The following LGR5 variants were observed in gnomAD, a reference collection of about 807,000 sequenced individuals.
The protein encoded by LGR5 is leucine rich repeat containing G protein-coupled receptor 5.
Under a neutral mutation model 76.7 loss-of-function variants are expected in LGR5, and 54 were observed. That is an observed-to-expected ratio of 0.70 (90% confidence interval 0.57 to 0.88). The LOEUF is 0.88. Ranked by LOEUF, LGR5 falls within the 40% of genes least tolerant of loss-of-function variation. LGR5 has a pLI of 0.00. For missense variants in LGR5, 1,078 were observed against 1,073.3 expected (o/e 1.00, Z -0.06); for synonymous variants, 406 against 421.9 (o/e 0.96, Z 0.46).
chr12:71,566,581 AC>A, intron 9 of LGR5, 50 bp from the exon 10 acceptor site: 1 of 1,547,596 alleles, frequency 6.5e-7, no homozygotes, highest in Non-Finnish European at 8.9e-7. Context: ...AATAAAAATT[AC>A]CCCTGTCTAG....
chr12:71,472,856 C>T (rs1010916791), intron 1 of LGR5, among the ~76,000 whole-genome samples: 1 of 152,152 alleles, frequency 6.6e-6, no homozygotes, highest in African/African-American at 2.4e-5. Context: ...TTACACATGG[C>T]ATATGAATTC....
chr12:71,468,896 T>C (rs1872971457), intron 1 of LGR5, among the ~76,000 whole-genome samples: 2 of 152,124 alleles, frequency 1.3e-5, no homozygotes, highest in Admixed American at 6.5e-5. Flanking sequence ...TGCCAAACAA[T>C]TGTGTATGTT....
At chr12:71,483,199 A>G (rs1211336193) in intron 1 of LGR5, among the ~76,000 whole-genome samples, 1 of 152,182 alleles carries the variant, frequency 6.6e-6, no homozygotes, top group Admixed American at 6.6e-5. Context: ...GTCCACTAAG[A>G]TCCCACTGCT....
chr12:71,468,394 T>C, intron 1 of LGR5, among the ~76,000 whole-genome samples: 1 of 152,030 alleles, frequency 6.6e-6, no homozygotes, highest in Non-Finnish European at 1.5e-5. Context: ...AATTGCAGAG[T>C]TGAAATAACA....
chr12:71,577,285 CTACT>C (rs1407189783), intron 13 of LGR5, among the ~76,000 whole-genome samples: 1 of 152,128 alleles, frequency 6.6e-6, no homozygotes, highest in Non-Finnish European at 1.5e-5. Flanking sequence ...TGCTTTACTC[CTACT>C]TAATTATCTG....
chr12:71,467,953 A>G (rs1232617286), intron 1 of LGR5, among the ~76,000 whole-genome samples: 1 of 152,222 alleles, frequency 6.6e-6, no homozygotes, highest in Non-Finnish European at 1.5e-5. Flanking sequence ...TAAAAATATT[A>G]CATAGGCTAA....
intron 4 of LGR5, among the ~76,000 whole-genome samples, chr12:71,552,376 C>A (rs1008201765): frequency 6.6e-6 from 1 of 152,024 alleles, no homozygotes; most frequent in African/African-American, 2.4e-5. Flanking sequence ...ACCAACCTGG[C>A]CAACATGGTG....
chr12:71,461,991 C>G (rs928260391), intron 1 of LGR5, among the ~76,000 whole-genome samples: 1 of 152,162 alleles, frequency 6.6e-6, no homozygotes, highest in Non-Finnish European at 1.5e-5. Flanking sequence ...GTTTCATTAT[C>G]TGTAAAATGG....
chr12:71,518,589 A>T (rs1875563401), intron 2 of LGR5, among the ~76,000 whole-genome samples: 1 of 152,226 alleles, frequency 6.6e-6, no homozygotes, highest in African/African-American at 2.4e-5. Flanking sequence ...CAAAGACATG[A>T]AATCAACCTA....
At chr12:71,568,517 G>A (rs1878455486) in intron 11 of LGR5, among the ~76,000 whole-genome samples, 1 of 152,120 alleles carries the variant, frequency 6.6e-6, no homozygotes. Flanking sequence ...CCTTGAGTTG[G>A]AACTTGAAAA....
At chr12:71,560,504 C>G (rs1878001978) in intron 7 of LGR5, among the ~76,000 whole-genome samples, 1 of 152,126 alleles carries the variant, frequency 6.6e-6, no homozygotes. Flanking sequence ...ATAAGTGGAG[C>G]CATGCAGGCC....
intron 1 of LGR5, among the ~76,000 whole-genome samples, chr12:71,500,819 A>G (rs1206277258): frequency 1.3e-5 from 2 of 152,056 alleles, no homozygotes; most frequent in East Asian, 1.9e-4. Context: ...AACTGCTCTC[A>G]TGGAATTTGC....
In LGR5 at chr12:71,522,408, G is replaced by T. The variant is rs890852478; in HGVS notation, c.285-1998G>T. Among the ~76,000 whole-genome samples the T allele has an allele frequency of 1.1e-4, 16 of 152,126 alleles. 1 individual carries two copies. Reference sequence around the variant, plus strand: ...CAAAGAAATAAAATACCTTTGCCCTGGTCAAATATTATGCTGAATTACATG... The same window carrying T: ...CAAAGAAATAAAATACCTTTGCCCTTGTCAAATATTATGCTGAATTACATG... On this transcript the variant is annotated intron_variant, in intron 2 of 17. Coordinates refer to ENST00000266674, the MANE Select transcript of LGR5 (RefSeq NM_003667.4).
At chr12:71,481,304 T>C (rs567878870) in intron 1 of LGR5, among the ~76,000 whole-genome samples, 1 of 152,174 alleles carries the variant, frequency 6.6e-6, no homozygotes, top group African/African-American at 2.4e-5. Context: ...TGTCCATGTG[T>C]TCTCATTGTT....
chr12:71,504,567 G>A, intron 1 of LGR5, 47 bp from the exon 2 acceptor site: 1 of 1,416,812 alleles, frequency 7.1e-7, no homozygotes, highest in Admixed American at 1.7e-5. Context: ...GGATTTCCTT[G>A]TGGTGGCATT....
intron 1 of LGR5, among the ~76,000 whole-genome samples, chr12:71,456,615 C>T (rs1872489152): frequency 6.6e-6 from 1 of 152,026 alleles, no homozygotes; most frequent in African/African-American, 2.4e-5. Context: ...TGGGCAGCTG[C>T]AGAGGGAGGT....
At chr12:71,556,559 A>G (rs1246535261) in intron 5 of LGR5, 60 bp from the exon 6 acceptor site, 2 of 1,079,260 alleles carry the variant, frequency 1.9e-6, no homozygotes, top group Non-Finnish European at 2.9e-6. Context: ...TAAGCTATCA[A>G]AATGTTAAGT....
intron 5 of LGR5, among the ~76,000 whole-genome samples, chr12:71,556,380 A>G (rs748601656): frequency 6.6e-5 from 10 of 152,132 alleles, no homozygotes; most frequent in Non-Finnish European, 1.2e-4. Flanking sequence ...TGTTCCTCAT[A>G]TTATTATACA....
chr12:71,534,422 G>T (rs1479554453), intron 3 of LGR5, among the ~76,000 whole-genome samples: 6 of 152,162 alleles, frequency 3.9e-5, no homozygotes, highest in African/African-American at 1.4e-4. Flanking sequence ...ATAAAGCCAT[G>T]CAGAGAAGGG....
Sources: gnomAD v4.1 joint callset for allele counts (sites outside exome capture counted in the v4.1 genomes callset) on GRCh38, gnomAD v4.1.1 for gene constraint, MANE v1.5 for transcripts, NCBI Gene and HGNC (gene_info 2026-07-23, HGNC 2026-07-21) for gene names.